The following C2CD3 variants were observed in gnomAD, a reference collection of about 807,000 sequenced individuals.
C2CD3 encodes the protein C2 domain containing 3 centriole elongation regulator, also known as C2 domain-containing protein 3.
A neutral mutation model predicts 234.0 loss-of-function variants in C2CD3; 148 were observed. The ratio of observed to expected loss-of-function variants is 0.63; its 90% CI spans 0.55 to 0.72. The LOEUF is 0.72. C2CD3 is among the 30% of genes least tolerant of loss of function. C2CD3 has a pLI of 0.00. For synonymous variants in C2CD3, 1,000 were observed against 1,035.4 expected, an observed-to-expected ratio of 0.97 and a Z score of 0.66; for missense variants, 2,577 against 2,811.5, an observed-to-expected ratio of 0.92 and a Z score of 1.89.
chr11:74,163,709 T>A (rs1856622561), intron 2 of C2CD3, among the ~76,000 whole-genome samples: 1 of 152,194 alleles, frequency 6.6e-6, no homozygotes, highest in Non-Finnish European at 1.5e-5. Flanking sequence ...CAATTAAACA[T>A]CTTTTCTTTA....
chr11:74,111,194 T>C (rs987782215), intron 11 of C2CD3, among the ~76,000 whole-genome samples: 6 of 152,200 alleles, frequency 3.9e-5, no homozygotes, highest in African/African-American at 1.2e-4. Flanking sequence ...ATCTGTGAGT[T>C]TCCTCTTTCC....
At chr11:74,125,233 T>C (rs1051021440) in intron 7 of C2CD3, among the ~76,000 whole-genome samples, 3 of 152,204 alleles carry the variant, frequency 2.0e-5, no homozygotes, top group South Asian at 2.1e-4. Context: ...GGTGTGATCA[T>C]AGCTCACTGA....
At chr11:74,167,457 A>C (rs1357953073) in intron 2 of C2CD3, among the ~76,000 whole-genome samples, 1 of 152,192 alleles carries the variant, frequency 6.6e-6, no homozygotes, top group Non-Finnish European at 1.5e-5. Flanking sequence ...ATGGTGCCTA[A>C]AACAATGTGT....
intron 3 of C2CD3, among the ~76,000 whole-genome samples, chr11:74,147,435 C>T (rs1855290776): frequency 6.6e-6 from 1 of 152,030 alleles, no homozygotes; most frequent in African/African-American, 2.4e-5. Context: ...ACAGCAACGA[C>T]CACAACAACG....
In C2CD3 at chr11:74,103,155, T is replaced by C; in HGVS notation, c.2556A>G (p.Thr852=). The C allele has an allele frequency of 6.2e-7, 1 of 1,612,900 alleles. No homozygotes were observed. Among genetic ancestry groups the C allele is most frequent in the Non-Finnish European group, 8.5e-7 (1 of 1,178,942 alleles). The change falls in exon 14 of 33, where the codon ACA becomes ACG. Residue 852 remains threonine (T), a synonymous_variant. Coordinates refer to ENST00000334126, the MANE Select transcript of C2CD3 (RefSeq NM_001286577.2). The part of the protein sequence containing the change: ...VTRSVIAWGT[T]QPVFNFSQVI... ...CCTGAGAAAAGTTAAAGACCGGTTG[T>C]GTTGTGCCCCATGCGATGACAGATC...
chr11:74,048,797 C>T (rs1251257749), intron 27 of C2CD3, among the ~76,000 whole-genome samples: 3 of 152,190 alleles, frequency 2.0e-5, no homozygotes, highest in Non-Finnish European at 2.9e-5. Flanking sequence ...CACTCTGTGC[C>T]AGACCCTGGG....
rs761319623 is a variant in C2CD3 at position 74,106,480 on chromosome 11, C to A, written c.1976G>T (p.Gly659Val). ...KTPQKKPEVI[G>V]SVSLSLRAVI... ...AGCTCGCAAAGAAAGTGACACAGAT[C>A]CAATGACTTCTGGCTGAGAAAGAAG... Residue 659 changes from glycine to valine, a missense_variant, in exon 13 of 33, where the codon GGA becomes GTA. Gly to Val is a moderately radical substitution (Grantham distance 109, BLOSUM62 -3). Coordinates refer to ENST00000334126, the MANE Select transcript of C2CD3 (RefSeq NM_001286577.2). The A allele has an allele frequency of 6.2e-7, 1 of 1,613,784 alleles. No individual in the cohort carries two copies. Among genetic ancestry groups the A allele is most frequent in the Non-Finnish European group, 8.5e-7 (1 of 1,179,856 alleles).
In C2CD3 at chr11:74,100,507, C is replaced by A. The variant is rs767024493; in HGVS notation, c.2732+18G>T. On this transcript the variant is annotated intron_variant, in intron 15 of 32. Transcript: ENST00000334126. ...TTAAAGATGCACAATAAAGAATACT[C>A]CAAAAGGTCCTATTTACTTGAATGA... The A allele has an allele frequency of 1.5e-5, 24 of 1,594,878 alleles. No individual in the cohort carries two copies.
intron 2 of C2CD3, 146 bp downstream of exon 2, chr11:74,168,198 G>C: frequency 3.0e-6 from 2 of 658,978 alleles, no homozygotes. Context: ...AATTTACAAA[G>C]AAAAATGTCT....
intron 7 of C2CD3, among the ~76,000 whole-genome samples, chr11:74,125,536 T>C (rs145268888): frequency 6.6e-6 from 1 of 152,170 alleles, no homozygotes; most frequent in African/African-American, 2.4e-5. Flanking sequence ...GAACTTCCTA[T>C]TATGAAAAAT....
intron 11 of C2CD3, among the ~76,000 whole-genome samples, chr11:74,111,036 C>A (rs1044541125): frequency 3.9e-5 from 6 of 152,140 alleles, no homozygotes; most frequent in Non-Finnish European, 8.8e-5. Context: ...TGGCCAACAA[C>A]AACAATAATG....
intron 30 of C2CD3, among the ~76,000 whole-genome samples, chr11:74,035,191 T>C (rs746031771): frequency 4.6e-5 from 7 of 152,190 alleles, no homozygotes; most frequent in Non-Finnish European, 8.8e-5. Flanking sequence ...CTGTTTAATA[T>C]TATACACTGA....
intron 22 of C2CD3, among the ~76,000 whole-genome samples, chr11:74,084,165 C>T (rs1255657520): frequency 6.6e-6 from 1 of 151,980 alleles, no homozygotes; most frequent in African/African-American, 2.4e-5. Context: ...CAGCTGGAAA[C>T]CATCATTCTG....
chr11:74,100,714 A>G, intron 14 of C2CD3, 38 bp from the exon 15 acceptor site: 1 of 1,537,940 alleles, frequency 6.5e-7, no homozygotes, highest in Non-Finnish European at 8.8e-7. Flanking sequence ...CAAAAAACTC[A>G]TACCTGAGAC....
chr11:74,036,991 G>C lies in C2CD3; in HGVS notation c.5881+487C>G, dbSNP rs150876606. Among the ~76,000 whole-genome samples the C allele has an allele frequency of 1.4e-3, 210 of 152,258 alleles. 3 individuals carry two copies. Among genetic ancestry groups the C allele is most frequent in the African/African-American group, 4.3e-3 (178 of 41,550 alleles). ...ACTGCTCCAAAGGGGTTTTTCAAAG[G>C]GTGGACTATGAATCGCTAACATCCA... On this transcript the variant is annotated intron_variant, in intron 30 of 32. Transcript: ENST00000334126.
Position 74,078,231 on chromosome 11 carries a change from C to T in C2CD3, c.4487G>A (p.Arg1496Gln), listed in dbSNP as rs772998974. 11 of 1,613,994 alleles carry T rather than the reference C, an allele frequency of 6.8e-6. No homozygotes were observed. Among genetic ancestry groups the T allele is most frequent in the Non-Finnish European group, 9.3e-6 (11 of 1,180,028 alleles). The change falls in exon 23 of 33, where the codon CGA (arginine) becomes CAA (glutamine). Residue 1496 changes from arginine to glutamine, a missense_variant. Arg to Gln is a conservative substitution (Grantham distance 43, BLOSUM62 1). Transcript: ENST00000334126. The stretch of plus-strand genomic sequence containing the variant: ...CTCCACACTGTCATTGCCATAAGCT[C>T]GCCACACTTGGATCTCTAGCCTCTC... ...REERLEIQVW[R>Q]AYGNDSVERP...
chr11:74,139,690 C>G lies in C2CD3; in HGVS notation c.622G>C (p.Val208Leu). ...TGTATGTCGCGAGGCCTTGATGGAA[C>G]CTGAAACTGGGTACTGCTGGGTTCA... ...NTEPSSTQFQ[V>L]PSRPRDIHTI... Residue 208 changes from valine to leucine, a missense_variant, in exon 4 of 33, where the codon GTT (valine) becomes CTT (leucine). By Grantham distance (32) the Val-to-Leu change is conservative (BLOSUM62 1). Transcript: ENST00000334126. The G allele has an allele frequency of 6.2e-7, 1 of 1,613,958 alleles. No individual in the cohort carries two copies. Among genetic ancestry groups the G allele is most frequent in the Admixed American group, 1.7e-5 (1 of 59,994 alleles).
intron 32 of C2CD3, among the ~76,000 whole-genome samples, chr11:74,016,046 C>T (rs113465027): frequency 6.6e-6 from 1 of 152,128 alleles, no homozygotes; most frequent in African/African-American, 2.4e-5. Context: ...TACTGCACTC[C>T]AACCTGGGTG....
At chr11:74,035,963 G>A (rs547867008) in intron 30 of C2CD3, among the ~76,000 whole-genome samples, 5 of 152,154 alleles carry the variant, frequency 3.3e-5, no homozygotes, top group African/African-American at 1.2e-4. Flanking sequence ...GCATTCAAGC[G>A]ATTCTCGTGT....
Sources: gnomAD v4.1 joint callset for allele counts (sites outside exome capture counted in the v4.1 genomes callset) on GRCh38, gnomAD v4.1.1 for gene constraint, MANE v1.5 for transcripts, NCBI Gene and HGNC (gene_info 2026-07-23, HGNC 2026-07-21) for gene names.